SLC4A10: variants seen among roughly 807,000 people sequenced by gnomAD.
SLC4A10 encodes sodium-driven chloride bicarbonate exchanger.
Under a neutral mutation model 137.7 loss-of-function variants are expected in SLC4A10, and 42 were observed. That is an observed-to-expected ratio of 0.30 (90% CI 0.24 to 0.39). The LOEUF is 0.39. SLC4A10 is among the 10% of genes least tolerant of loss of function. SLC4A10 has a pLI of 1.00. For missense variants in SLC4A10, 925 were observed against 1,355.0 expected (o/e 0.68, Z 4.98); for synonymous variants, 474 against 464.1 (o/e 1.02, Z -0.27).
At chr2:161,769,842 G>C (rs2051348877) in intron 1 of SLC4A10, among the ~76,000 whole-genome samples, 1 of 151,574 alleles carries the variant, frequency 6.6e-6, no homozygotes, top group South Asian at 2.1e-4. Flanking sequence ...GGATTCCCAT[G>C]ACTCTTGTAT....
chr2:161,910,362 A>G (rs776779440), intron 15 of SLC4A10, among the ~76,000 whole-genome samples: 20 of 152,194 alleles, frequency 1.3e-4, no homozygotes, highest in Non-Finnish European at 2.2e-4. Context: ...TTGAGAATAC[A>G]TACATTGCAC....
intron 6 of SLC4A10, among the ~76,000 whole-genome samples, chr2:161,868,862 T>G (rs2125913968): frequency 6.6e-6 from 1 of 151,814 alleles, no homozygotes; most frequent in East Asian, 1.9e-4. Context: ...CAATGTCTTT[T>G]TTTCATAGTC....
chr2:161,965,125 T>C lies in SLC4A10; in HGVS notation c.3111T>C (p.Asp1037=), dbSNP rs2105915252. 1 of 1,612,656 alleles carries C rather than the reference T, an allele frequency of 6.2e-7. No homozygotes were observed. The highest frequency in any genetic ancestry group is 8.5e-7 in the Non-Finnish European group (1 of 1,179,090). The change falls in exon 23 of 27, where the codon GAT becomes GAC. Residue 1037 remains aspartate, a synonymous_variant. Coordinates refer to ENST00000446997, the MANE Select transcript of SLC4A10 (RefSeq NM_001178015.2). The stretch of plus-strand genomic sequence containing the variant: ...AGCGGGAACTCAGCTGGTTGGATGA[T>C]TTGATGCCCGAGAGTAAGAAAAAGA... ...FTKRELSWLD[D]LMPESKKKKL... is the part of the protein sequence containing the mutation.
At chr2:161,804,408 A>G (rs369882974) in intron 2 of SLC4A10, 41 bp from the exon 3 acceptor site, 2 of 1,592,718 alleles carry the variant, frequency 1.3e-6, no homozygotes, top group South Asian at 1.1e-5. Flanking sequence ...GTGCCCTGGA[A>G]TAATTCAGAG....
intron 4 of SLC4A10, among the ~76,000 whole-genome samples, chr2:161,844,947 T>TTTTA (rs2059402937): frequency 6.6e-6 from 1 of 151,996 alleles, no homozygotes; most frequent in South Asian, 2.1e-4. Context: ...TGGCCAACAG[T>TTTTA]TTTATTTATT....
intron 3 of SLC4A10, 116 bp from the exon 4 acceptor site, chr2:161,839,673 G>A (rs879692479): frequency 9.1e-7 from 1 of 1,095,336 alleles, no homozygotes. Context: ...AGCAGGGGAG[G>A]TGTGAGCTTG....
chr2:161,644,452 C>A (rs991301890), intron 1 of SLC4A10, among the ~76,000 whole-genome samples: 1 of 151,034 alleles, frequency 6.6e-6, no homozygotes, highest in Non-Finnish European at 1.5e-5. Context: ...CCACTGCACT[C>A]CAGCTTGGGC....
chr2:161,647,078 A>T (rs2036156382), intron 1 of SLC4A10, among the ~76,000 whole-genome samples: 1 of 151,948 alleles, frequency 6.6e-6, no homozygotes, highest in South Asian at 2.1e-4. Flanking sequence ...TTCTGGAATG[A>T]TTATACAGGA....
intron 1 of SLC4A10, among the ~76,000 whole-genome samples, chr2:161,758,137 A>G (rs950984660): frequency 2.0e-5 from 3 of 151,916 alleles, no homozygotes; most frequent in Non-Finnish European, 4.4e-5. Flanking sequence ...TAAAATTGCA[A>G]TGAAATGTAG....
At chr2:161,644,900 C>T (rs1286621143) in intron 1 of SLC4A10, among the ~76,000 whole-genome samples, 1 of 151,890 alleles carries the variant, frequency 6.6e-6, no homozygotes, top group Admixed American at 6.6e-5. Context: ...CATTTTGGAG[C>T]CTTTTTGGAC....
At position 161,965,062 on chromosome 2, in the gene SLC4A10, G is replaced by A. The variant is rs1329667129; in HGVS notation, c.3048G>A (p.Leu1016=). The A allele has an allele frequency of 1.9e-6, 3 of 1,611,514 alleles. No individual in the cohort carries two copies. Among genetic ancestry groups the A allele is most frequent in the Non-Finnish European group, 2.5e-6 (3 of 1,178,516 alleles). The part of the protein sequence containing the change: ...AIVFPMMVLA[L]VFVRKLMDLL... ...ATTATTTACTTCAGGTGTTAGCCCT[G>A]GTATTTGTAAGAAAGTTGATGGACT... is the stretch of plus-strand genomic sequence containing the variant. Residue 1016 remains leucine, a synonymous_variant, in exon 23 of 27, where the codon CTG becomes CTA. Coordinates refer to ENST00000446997, the MANE Select transcript of SLC4A10 (RefSeq NM_001178015.2).
At chr2:161,761,999 G>A (rs1330965152) in intron 1 of SLC4A10, among the ~76,000 whole-genome samples, 1 of 151,880 alleles carries the variant, frequency 6.6e-6, no homozygotes, top group African/African-American at 2.4e-5. Flanking sequence ...ATTTTTTCTT[G>A]TATGTATAAA....
chr2:161,873,958 A>T lies in SLC4A10; in HGVS notation c.901A>T (p.Met301Leu). The T allele has an allele frequency of 1.9e-6, 3 of 1,595,248 alleles. No homozygotes were observed. Among genetic ancestry groups the T allele is most frequent in the Non-Finnish European group, 2.5e-6 (3 of 1,178,344 alleles). ...AAAGGGGCATACTAGTCCATGTGGG[A>T]TGAAACAAAGGCATGAAAAAGGACC... ...QQKGHTSPCG[M>L]KQRHEKGPPH... The change falls in exon 8 of 27, where the codon ATG becomes TTG. Residue 301 changes from methionine (M) to leucine (L), a missense_variant. Physicochemically the swap from Met to Leu is conservative, Grantham distance 15. Transcript: ENST00000446997.
Position 161,624,580 on chromosome 2 carries a change from T to G in SLC4A10, c.48+14T>G. On this transcript the variant is annotated intron_variant, in intron 1 of 26. Coordinates refer to ENST00000446997, the MANE Select transcript of SLC4A10 (RefSeq NM_001178015.2). Reference sequence around the variant, plus strand: ...CTGCTGCCTACGGTAAGAGACAACCTGCTATCACATAGATTAACCGCGTTT... The same window carrying G: ...CTGCTGCCTACGGTAAGAGACAACCGGCTATCACATAGATTAACCGCGTTT... The G allele has an allele frequency of 6.4e-7, 1 of 1,552,172 alleles. No individual in the cohort carries two copies. Among genetic ancestry groups the G allele is most frequent in the South Asian group, 1.2e-5 (1 of 84,060 alleles).
intron 1 of SLC4A10, among the ~76,000 whole-genome samples, chr2:161,678,281 C>G (rs1265901077): frequency 1.3e-5 from 2 of 152,066 alleles, no homozygotes; most frequent in African/African-American, 4.8e-5. Context: ...TGAATATCTC[C>G]TAAGAGATAA....
chr2:161,804,702 T>C, intron 3 of SLC4A10, 107 bp downstream of exon 3: 6 of 1,082,772 alleles, frequency 5.5e-6, no homozygotes, highest in Non-Finnish European at 6.1e-6. Flanking sequence ...GTTTATACTT[T>C]TATAAAAGAC....
At chr2:161,634,147 G>A (rs2034036588) in intron 1 of SLC4A10, among the ~76,000 whole-genome samples, 1 of 151,834 alleles carries the variant, frequency 6.6e-6, no homozygotes, top group Non-Finnish European at 1.5e-5. Flanking sequence ...TCCAGTTTGT[G>A]ACAGTTATTA....
intron 16 of SLC4A10, 38 bp downstream of exon 16, chr2:161,942,935 CT>C: frequency 6.7e-7 from 1 of 1,493,102 alleles, no homozygotes; most frequent in Non-Finnish European, 9.1e-7. Flanking sequence ...TACCTAAGAG[CT>C]TTTGTTGACA....
chr2:161,791,611 T>A (rs769778623), intron 2 of SLC4A10, among the ~76,000 whole-genome samples: 4 of 152,196 alleles, frequency 2.6e-5, no homozygotes, highest in Admixed American at 6.5e-5. Flanking sequence ...ATTGCCCTTG[T>A]ACATCTGAAC....
Sources: allele counts gnomAD v4.1 joint callset (sites outside exome capture counted in the v4.1 genomes callset), GRCh38; gene constraint gnomAD v4.1.1; transcripts MANE v1.5; gene names NCBI Gene and HGNC (gene_info 2026-07-23, HGNC 2026-07-21).